The following NDST3 variants were observed in gnomAD, a reference collection of about 807,000 sequenced individuals.
NDST3 encodes the protein N-deacetylase and N-sulfotransferase 3.
NDST3 carries 58 observed loss-of-function variants against 96.1 expected under a neutral mutation model. The observed-to-expected ratio is 0.60, with a 90% CI of 0.49 to 0.75. The LOEUF (loss-of-function observed/expected upper bound fraction) is 0.75, where lower values mean the gene tolerates loss of function less well. NDST3 is among the 30% of genes least tolerant of loss of function. The probability of loss-of-function intolerance (pLI) is 0.00; values close to 1 mark genes in which losing one functional copy is unlikely to be tolerated. For missense variants in NDST3, 788 were observed against 1,034.2 expected, an observed-to-expected ratio of 0.76 and a Z score of 3.27; for synonymous variants, 333 against 359.7, an observed-to-expected ratio of 0.93 and a Z score of 0.84.
At chr4:118,073,711 A>G (rs1304700909) in intron 2 of NDST3, among the ~76,000 whole-genome samples, 2 of 151,714 alleles carry the variant, frequency 1.3e-5, no homozygotes, top group Non-Finnish European at 2.9e-5. Context: ...TTTATGTCTC[A>G]ATTTTATTCA....
chr4:118,184,838 C>T (rs938417892), intron 6 of NDST3, among the ~76,000 whole-genome samples: 5 of 152,110 alleles, frequency 3.3e-5, no homozygotes, highest in Non-Finnish European at 7.4e-5. Context: ...CACATGTGCC[C>T]TCTGACTATG....
At chr4:118,198,707 A>G (rs1737861170) in intron 6 of NDST3, among the ~76,000 whole-genome samples, 1 of 136,632 alleles carries the variant, frequency 7.3e-6, no homozygotes, top group Non-Finnish European at 1.5e-5. Context: ...TTATTAAAGT[A>G]CTCCCTTTAG....
intron 6 of NDST3, among the ~76,000 whole-genome samples, chr4:118,196,973 T>C (rs1259810950): frequency 1.3e-5 from 2 of 151,682 alleles, no homozygotes; most frequent in African/African-American, 2.4e-5. Flanking sequence ...TAGGCACTTA[T>C]AGCTATAAGC....
chr4:118,080,054 C>T (rs1727886767), intron 2 of NDST3, among the ~76,000 whole-genome samples: 1 of 152,172 alleles, frequency 6.6e-6, no homozygotes, highest in Non-Finnish European at 1.5e-5. Flanking sequence ...ATCCCCTCTT[C>T]ATCACCTGAT....
At chr4:118,203,958 C>A (rs927574791) in intron 6 of NDST3, among the ~76,000 whole-genome samples, 1 of 152,080 alleles carries the variant, frequency 6.6e-6, no homozygotes, top group Non-Finnish European at 1.5e-5. Flanking sequence ...TGAAATATTG[C>A]CATTTTCTAC....
In NDST3 at chr4:118,251,126, T is replaced by A. The variant is rs1165309585; in HGVS notation, c.2400-2373T>A. On this transcript the variant is annotated intron_variant, in intron 12 of 13. Transcript: ENST00000296499. ...TTTATTTATTTATTTATTATTTTTA[T>A]TTTATTTTTTTTTTTTTTGAGACGG... Among the ~76,000 whole-genome samples, 13 of 56,318 alleles carry A rather than the reference T, an allele frequency of 2.3e-4. No individual in the cohort carries two copies. The East Asian group carries it at 5.0e-3, about 22-fold the overall frequency. The allele number at this position is 56,318 out of a possible 152,430, so 36.9% of individuals were successfully genotyped here. A position where few individuals can be genotyped will look rare whatever the true frequency, so the allele number is the denominator to read the frequency against.
intron 12 of NDST3, among the ~76,000 whole-genome samples, chr4:118,242,778 T>A (rs1222644608): frequency 6.6e-6 from 1 of 152,110 alleles, no homozygotes; most frequent in Non-Finnish European, 1.5e-5. Context: ...CCGATTTTCT[T>A]AGGTAACTGA....
chr4:118,230,619 T>C (rs1006893312), intron 8 of NDST3, among the ~76,000 whole-genome samples: 5 of 151,986 alleles, frequency 3.3e-5, no homozygotes, highest in African/African-American at 1.2e-4. Context: ...TAACAAAGAC[T>C]TACCGAATCA....
intron 4 of NDST3, among the ~76,000 whole-genome samples, chr4:118,123,222 C>T (rs558895872): frequency 4.6e-5 from 7 of 152,170 alleles, no homozygotes; most frequent in Admixed American, 1.3e-4. Flanking sequence ...AGAGAGTATA[C>T]GGTGGTTATA....
chr4:118,042,542 G>C (rs1288656805), intron 1 of NDST3, among the ~76,000 whole-genome samples: 1 of 152,080 alleles, frequency 6.6e-6, no homozygotes, highest in Non-Finnish European at 1.5e-5. Context: ...AAATCCCTCT[G>C]TTCAAATGCA....
rs753811574 is a variant in NDST3 at position 118,240,594 on chromosome 4, G to T, written c.2189G>T (p.Arg730Leu). 1 of 1,613,718 alleles carries T rather than the reference G, an allele frequency of 6.2e-7. No individual in the cohort carries two copies. Among genetic ancestry groups the T allele is most frequent in the Non-Finnish European group, 8.5e-7 (1 of 1,179,928 alleles). ...SFYEVISAGP[R>L]APSELRALQK... The stretch of plus-strand genomic sequence containing the variant: ...TACGAAGTGATCTCAGCAGGGCCCC[G>T]TGCACCCTCGGAGCTCAGAGCCTTG... Residue 730 changes from arginine (R) to leucine (L), a missense_variant, in exon 11 of 14, where the codon CGT becomes CTT. Physicochemically the swap from Arg to Leu is moderately radical, Grantham distance 102. Around this residue, in one of 3 missense-constraint regions of NDST3, gnomAD observed 490 missense variants for 708.8 expected, o/e 0.69. Coordinates refer to ENST00000296499, the MANE Select transcript of NDST3 (RefSeq NM_004784.3).
At chr4:118,048,681 A>C (rs1432722572) in intron 1 of NDST3, among the ~76,000 whole-genome samples, 1 of 152,168 alleles carries the variant, frequency 6.6e-6, no homozygotes, top group Non-Finnish European at 1.5e-5. Context: ...AGACTTAACT[A>C]TCCTAAATAT....
rs1359655113 is a variant in NDST3, at chr4:118,226,943, C to T, written c.1780C>T (p.Arg594Cys). Residue 594 changes from arginine to cysteine, a missense_variant, in exon 8 of 14, where the codon CGC becomes TGC. By Grantham distance (180) the Arg-to-Cys change is radical. Transcript: ENST00000296499. The stretch of plus-strand genomic sequence containing the variant: ...TTGGTCTAAAGAAAAAACTTGTGAT[C>T]GCTTACCAAAATTCTTGGTAATAGG... Reference protein sequence around the residue: ...DIWSKEKTCDRLPKFLVIGPQ... With the variant: ...DIWSKEKTCDCLPKFLVIGPQ... 4.3e-6 allele frequency: 7 copies of T among 1,613,396 alleles called. No homozygotes were observed. Among genetic ancestry groups the T allele is most frequent in the South Asian group, 2.2e-5 (2 of 90,974 alleles).
At chr4:118,089,570 A>G (rs1197162399) in intron 2 of NDST3, among the ~76,000 whole-genome samples, 2 of 151,934 alleles carry the variant, frequency 1.3e-5, no homozygotes, top group Non-Finnish European at 2.9e-5. Flanking sequence ...AAATACTGAG[A>G]TTGGTCTGAG....
At chr4:118,209,614 T>C (rs1222533150) in intron 6 of NDST3, among the ~76,000 whole-genome samples, 2 of 152,204 alleles carry the variant, frequency 1.3e-5, no homozygotes, top group African/African-American at 4.8e-5. Flanking sequence ...GTTCTGAAAG[T>C]ATAGCCAGAA....
At chr4:118,122,759 G>A (rs973511522) in intron 4 of NDST3, among the ~76,000 whole-genome samples, 1 of 152,178 alleles carries the variant, frequency 6.6e-6, no homozygotes, top group Admixed American at 6.6e-5. Context: ...AATGTAGGAA[G>A]ATAAATTGTT....
At chr4:118,038,443 A>G (rs1196489557) in intron 1 of NDST3, among the ~76,000 whole-genome samples, 1 of 152,142 alleles carries the variant, frequency 6.6e-6, no homozygotes, top group Non-Finnish European at 1.5e-5. Flanking sequence ...AACAAAGCTA[A>G]TGCCCTCAAG....
chr4:118,038,843 C>G (rs1286400835), intron 1 of NDST3, among the ~76,000 whole-genome samples: 1 of 151,950 alleles, frequency 6.6e-6, no homozygotes, highest in South Asian at 2.1e-4. Context: ...TTTCACTTTT[C>G]TTGTACTGCC....
At chr4:118,162,231 A>T (rs939905305) in intron 6 of NDST3, among the ~76,000 whole-genome samples, 6 of 152,172 alleles carry the variant, frequency 3.9e-5, no homozygotes, top group Non-Finnish European at 8.8e-5. Flanking sequence ...GACTTTCTTC[A>T]CAGAATTGGA....
Sources: gnomAD v4.1 joint callset for allele counts (sites outside exome capture counted in the v4.1 genomes callset) on GRCh38, gnomAD v4.1.1 for gene constraint, gnomAD v4.1.1 regional missense constraint, MANE v1.5 for transcripts, NCBI Gene and HGNC (gene_info 2026-07-23, HGNC 2026-07-21) for gene names.